The following TCF4 variants were observed in gnomAD, a reference collection of about 807,000 sequenced individuals.
TCF4 encodes the protein SL3-3 enhancer factor 2.
TCF4 carries 3 observed loss-of-function variants against 82.1 expected under a neutral mutation model. The ratio of observed to expected loss-of-function variants is 0.04; its 90% CI spans 0.02 to 0.09. The LOEUF (loss-of-function observed/expected upper bound fraction) is 0.09. TCF4 is among the 10% of genes least tolerant of loss of function. The pLI, the probability that TCF4 is intolerant of heterozygous loss-of-function variation, is 1.00. For synonymous variants in TCF4, 276 were observed against 309.6 expected, an observed-to-expected ratio of 0.89 and a Z score of 1.14; for missense variants, 518 against 852.7, an observed-to-expected ratio of 0.61 and a Z score of 4.89.
In TCF4 at chr18:55,405,608, C is replaced by G. The variant is rs550342352; in HGVS notation, c.305-2090G>C. On this transcript the variant is annotated intron_variant, in intron 5 of 19. Coordinates refer to ENST00000354452, the MANE Select transcript of TCF4 (RefSeq NM_001083962.2). ...AGAACAGGAGGGAGGAATCTTTCTG[C>G]CAGGATTTGCCTCACTTATAGATAT... Among the ~76,000 whole-genome samples, 3 of 152,232 alleles carry G rather than the reference C, an allele frequency of 2.0e-5. No homozygotes were observed. The South Asian group carries it at 6.2e-4, about 32-fold the overall frequency.
chr18:55,337,705 T>C (rs1466314032), intron 8 of TCF4, among the ~76,000 whole-genome samples: 3 of 152,138 alleles, frequency 2.0e-5, no homozygotes, highest in Admixed American at 6.6e-5. Context: ...TATCTTTGGG[T>C]GTCTGTATAC....
chr18:55,516,130 G>A (rs868412069), intron 3 of TCF4, among the ~76,000 whole-genome samples: 3 of 152,088 alleles, frequency 2.0e-5, no homozygotes, highest in Non-Finnish European at 2.9e-5. Context: ...GATGACTTAC[G>A]GAGACAGGGC....
At chr18:55,453,901 T>G (rs1168074287) in intron 5 of TCF4, among the ~76,000 whole-genome samples, 1 of 151,924 alleles carries the variant, frequency 6.6e-6, no homozygotes, top group African/African-American at 2.4e-5. Flanking sequence ...TCACCCAGGC[T>G]GGAGTGCAAG....
intron 6 of TCF4, among the ~76,000 whole-genome samples, chr18:55,389,911 G>A (rs74932529): frequency 0.023 from 3,450 of 152,006 alleles, 150 homozygotes; most frequent in African/African-American, 0.078. Flanking sequence ...GGAAACTGAG[G>A]ACTTTTGGAG....
In TCF4 at chr18:55,225,049, TA is replaced by T. The variant is rs1216676654; in HGVS notation, c.*2985del. On this transcript the variant is annotated 3_prime_UTR_variant, in exon 20 of 20. Coordinates refer to ENST00000354452, the MANE Select transcript of TCF4 (RefSeq NM_001083962.2). ...TTTGATAATTACAAAACAACAACAA[TA>T]AAAAACACACTAAAAAGGCCACATT... 1 of 152,060 alleles carries T rather than the reference TA, an allele frequency of 6.6e-6. No individual in the cohort carries two copies. Among genetic ancestry groups the T allele is most frequent in the African/African-American group, 2.4e-5 (1 of 41,406 alleles). 9.4% of individuals were successfully genotyped at this position (152,060 alleles called of 1,614,324 possible). A position where few individuals can be genotyped will look rare whatever the true frequency, so the allele number is the denominator to read the frequency against.
intron 8 of TCF4, among the ~76,000 whole-genome samples, chr18:55,343,037 T>C (rs2080346321): frequency 6.6e-6 from 1 of 152,158 alleles, no homozygotes; most frequent in Non-Finnish European, 1.5e-5. Flanking sequence ...AGGTATTCTT[T>C]CTCAGATGCC....
intron 5 of TCF4, among the ~76,000 whole-genome samples, chr18:55,435,465 T>C (rs1053424584): frequency 1.3e-5 from 2 of 152,154 alleles, no homozygotes; most frequent in Admixed American, 1.3e-4. Flanking sequence ...TTGAATAAAA[T>C]CTCCACAAGG....
intron 3 of TCF4, chr18:55,551,789 G>A (rs2097262825): frequency 6.6e-6 from 1 of 152,098 alleles, no homozygotes; most frequent in South Asian, 2.1e-4. Context: ...AAGGAAATAG[G>A]ACTTTTTTTT....
At chr18:55,631,458 G>T (rs1006409884) in intron 1 of TCF4, 3 of 1,469,096 alleles carry the variant, frequency 2.0e-6, no homozygotes, top group East Asian at 2.6e-5. Context: ...AGATGGTACT[G>T]GTAGTCTGGG....
intron 9 of TCF4, among the ~76,000 whole-genome samples, chr18:55,277,310 A>G (rs1256180362): frequency 6.6e-6 from 1 of 152,156 alleles, no homozygotes; most frequent in Non-Finnish European, 1.5e-5. Context: ...GAAGTTCAAG[A>G]TCACTAACAT....
chr18:55,579,428 G>C (rs1341251184), intron 3 of TCF4, among the ~76,000 whole-genome samples: 1 of 144,972 alleles, frequency 6.9e-6, no homozygotes, highest in African/African-American at 2.5e-5. Context: ...ACAAACACCT[G>C]GCCATAAAAA....
intron 9 of TCF4, 131 bp downstream of exon 9, chr18:55,279,420 C>G (rs2062080627): frequency 7.3e-7 from 1 of 1,375,430 alleles, no homozygotes; most frequent in Non-Finnish European, 1.0e-6. Flanking sequence ...GAATTCAATT[C>G]CTAAGAAGAG....
chr18:55,575,175 G>A (rs1401979705), intron 3 of TCF4, among the ~76,000 whole-genome samples: 1 of 152,144 alleles, frequency 6.6e-6, no homozygotes, highest in African/African-American at 2.4e-5. Context: ...GGGAAAATTA[G>A]ATGTCAGAAG....
At chr18:55,450,979 CA>C (rs2144348134) in intron 5 of TCF4, among the ~76,000 whole-genome samples, 1 of 152,290 alleles carries the variant, frequency 6.6e-6, no homozygotes, top group African/African-American at 2.4e-5. Context: ...GCAAATATTT[CA>C]CAAAAGGGAG....
At chr18:55,401,177 T>C (rs1603446840) in intron 6 of TCF4, 1 of 1,230,194 alleles carries the variant, frequency 8.1e-7, no homozygotes, top group East Asian at 5.7e-5. Flanking sequence ...TGGTCTGTTC[T>C]ATTCTCAAAT....
chr18:55,479,783 T>C (rs1394996741), intron 3 of TCF4, among the ~76,000 whole-genome samples: 1 of 152,056 alleles, frequency 6.6e-6, no homozygotes, highest in Non-Finnish European at 1.5e-5. Flanking sequence ...CTACTGAAGT[T>C]TGGGGATTGT....
chr18:55,344,810 T>G (rs1057160378), intron 8 of TCF4, among the ~76,000 whole-genome samples: 1 of 152,070 alleles, frequency 6.6e-6, no homozygotes, highest in Non-Finnish European at 1.5e-5. Flanking sequence ...AATGAACTGG[T>G]GGTGTTTTGT....
intron 6 of TCF4, among the ~76,000 whole-genome samples, chr18:55,373,098 C>T (rs988018371): frequency 6.6e-6 from 1 of 151,902 alleles, no homozygotes; most frequent in African/African-American, 2.4e-5. Context: ...AACTAAGTTA[C>T]AGTGGCTGTC....
At chr18:55,270,285 T>C (rs2060068914) in intron 10 of TCF4, among the ~76,000 whole-genome samples, 1 of 152,098 alleles carries the variant, frequency 6.6e-6, no homozygotes, top group Non-Finnish European at 1.5e-5. Flanking sequence ...AAGACCACTC[T>C]ACTATTAATT....
Sources: allele counts gnomAD v4.1 joint callset (sites outside exome capture counted in the v4.1 genomes callset), GRCh38; gene constraint gnomAD v4.1.1; transcripts MANE v1.5; gene names NCBI Gene and HGNC (gene_info 2026-07-23, HGNC 2026-07-21).